Variants in TCEAL4 observed in about 807,000 individuals in gnomAD.
TCEAL4 encodes transcription elongation factor A protein-like 4.
In TCEAL4, 1 loss-of-function variant was observed where a neutral mutation model predicts 1.3. That is an observed-to-expected ratio of 0.79 (90% confidence interval 0.28 to 3.76). The LOEUF is 3.76. TCEAL4 is among the 30% of genes most tolerant of loss of function. The pLI is 0.18. For synonymous variants in TCEAL4, 54 were observed against 50.7 expected (o/e 1.06, Z -0.28); for missense variants, 129 against 154.7 (o/e 0.83, Z 0.88).
chrX:103,577,527 A>C (rs760959548), intron 2 of TCEAL4, among the ~76,000 whole-genome samples: 10 of 111,248 alleles, frequency 9.0e-5, no homozygotes, highest in Non-Finnish European at 1.7e-4. Context: ...ATAGCATACA[A>C]CCCCACCCTC....
chrX:103,583,122 C>T (rs1001575459), upstream of TCEAL4, among the ~76,000 whole-genome samples: 3 of 111,958 alleles, frequency 2.7e-5, no homozygotes, highest in Admixed American at 1.9e-4. Context: ...TGAAAAAAAC[C>T]TCAACATCAC....
At chrX:103,582,765 A>G (rs1016792711), upstream of TCEAL4, among the ~76,000 whole-genome samples, 4 of 104,215 alleles carry the variant, frequency 3.8e-5, no homozygotes, top group African/African-American at 1.4e-4. Context: ...CTCAAGATGG[A>G]TTAAAGACTT....
At chrX:103,583,562 G>A, upstream of TCEAL4, among the ~76,000 whole-genome samples, 1 of 112,282 alleles carries the variant, frequency 8.9e-6, no homozygotes, top group Non-Finnish European at 1.9e-5. Flanking sequence ...GTCTTTTGCA[G>A]GCACATGGAT....
upstream of TCEAL4, among the ~76,000 whole-genome samples, chrX:103,583,709 C>T (rs2073518850): frequency 9.0e-6 from 1 of 111,202 alleles, no homozygotes; most frequent in African/African-American, 3.3e-5. Flanking sequence ...CTGCTGGGGG[C>T]AGGGAGGGAG....
chrX:103,580,979 T>C (rs979460502), upstream of TCEAL4, among the ~76,000 whole-genome samples: 6 of 111,076 alleles, frequency 5.4e-5, no homozygotes, highest in African/African-American at 1.6e-4. Context: ...ATAAAATAGA[T>C]AGACTGCTAG....
chrX:103,586,046 G>C, intron 1 of TCEAL4, 173 bp from the exon 2 acceptor site: 1 of 1,084,431 alleles, frequency 9.2e-7, no homozygotes, highest in East Asian at 3.4e-5. Context: ...AAATTAGTTT[G>C]GAAAGCATCC....
chrX:103,585,646 GC>G, intron 1 of TCEAL4, 22 bp downstream of exon 1: 1 of 1,164,770 alleles, frequency 8.6e-7, no homozygotes, highest in Non-Finnish European at 1.1e-6. Flanking sequence ...GGCCTTCCAC[GC>G]TGCCAGCGGA....
rs1188088337 is a variant in TCEAL4 at position 103,586,229 on chromosome X, CTGT to C, written c.-85_-83del. On this transcript the variant is annotated 5_prime_UTR_variant, in exon 2 of 3. Coordinates refer to ENST00000472484, the MANE Select transcript of TCEAL4 (RefSeq NM_001006935.3). ...CCTGTCTGTCTGCAGGTCTGCGCGT[CTGT>C]TGTTCCCAGCGCTCTGCGAAGCCTG... 3.4e-6 allele frequency: 4 copies of C among 1,164,974 alleles called. No homozygotes were observed. The highest frequency in any genetic ancestry group is 3.3e-5 in the East Asian group (1 of 30,682).
exon 1 of TCEAL4, chrX:103,576,501 C>T (rs1027101661): frequency 2.1e-5 from 24 of 1,156,179 alleles, no homozygotes; most frequent in South Asian, 3.8e-5. Flanking sequence ...CCGCAGCTCA[C>T]GCCTGTAATC....
chrX:103,585,802 C>T (rs1435074543), intron 1 of TCEAL4, 178 bp downstream of exon 1: 6 of 1,096,613 alleles, frequency 5.5e-6, no homozygotes, highest in Non-Finnish European at 7.3e-6. Context: ...AGCACGTAGG[C>T]AGTGGGCAGA....
chrX:103,586,040 T>C (rs1040841252), intron 1 of TCEAL4, 179 bp from the exon 2 acceptor site: 114 of 1,078,563 alleles, frequency 1.1e-4, no homozygotes, highest in Non-Finnish European at 1.3e-4. Flanking sequence ...GACCCAAAAT[T>C]AGTTTGGAAA....
At chrX:103,585,488 T>G (rs2073531283), upstream of TCEAL4, 5 of 1,104,256 alleles carry the variant, frequency 4.5e-6, no homozygotes, top group Admixed American at 1.2e-4. Flanking sequence ...GCGGTGGAAC[T>G]CCTGGGCTGC....
chrX:103,582,210 G>A (rs142843226), upstream of TCEAL4, among the ~76,000 whole-genome samples: 982 of 111,263 alleles, frequency 8.8e-3, 6 homozygotes, highest in Non-Finnish European at 0.013. Context: ...ACCTCTTCAA[G>A]GAGAACTACA....
rs772153647 is a variant in TCEAL4 at position 103,576,421 on chromosome X, T to C, written c.-49T>C. On this transcript the variant is annotated 5_prime_UTR_variant, in exon 1 of 5. Transcript: ENST00000372629. ...TTTAATCATTTATATTCAAGAAGAG[T>C]TCAGCTGCTAGGTTCTTATTTTGGG... The C allele has an allele frequency of 7.7e-6, 9 of 1,163,176 alleles. No individual in the cohort carries two copies. In the South Asian group the frequency reaches 1.7e-4, roughly 22 times the overall value.
exon 2 of TCEAL4, chrX:103,577,153 A>G: frequency 8.6e-7 from 1 of 1,167,453 alleles, no homozygotes; most frequent in South Asian, 1.9e-5. Flanking sequence ...AAGAATGGAA[A>G]GGTCACATAT....
At chrX:103,578,086 T>C (rs1246645937) in intron 2 of TCEAL4, among the ~76,000 whole-genome samples, 1 of 112,437 alleles carries the variant, frequency 8.9e-6, no homozygotes, top group Non-Finnish European at 1.9e-5. Context: ...ATTAATGGAC[T>C]AATACAATAT....
At chrX:103,576,969 C>A in intron 1 of TCEAL4, 1 of 834,724 alleles carries the variant, frequency 1.2e-6, no homozygotes, top group Non-Finnish European at 1.6e-6. Context: ...TGTTACATGG[C>A]AGCTGCTTCT....
At chrX:103,584,777 A>T (rs1178696505), upstream of TCEAL4, among the ~76,000 whole-genome samples, 1 of 112,667 alleles carries the variant, frequency 8.9e-6, no homozygotes, top group Non-Finnish European at 1.9e-5. Flanking sequence ...CAAAGACTTC[A>T]GCTACGCTCT....
chrX:103,585,472 C>T, upstream of TCEAL4: 1 of 1,089,378 alleles, frequency 9.2e-7, no homozygotes, highest in South Asian at 2.4e-5. Flanking sequence ...GGAGGCGGGG[C>T]GTGGGGCGGT....
Sources: allele counts gnomAD v4.1 joint callset (sites outside exome capture counted in the v4.1 genomes callset), GRCh38; gene constraint gnomAD v4.1.1; transcripts MANE v1.5; gene names NCBI Gene and HGNC (gene_info 2026-07-23, HGNC 2026-07-21).